PTPRK: variants seen among roughly 807,000 people sequenced by gnomAD.
PTPRK encodes protein tyrosine phosphatase receptor type K.
PTPRK carries 75 observed loss-of-function variants against 178.0 expected under a neutral mutation model. That is an observed-to-expected ratio of 0.42 (90% confidence interval 0.35 to 0.51). PTPRK has a LOEUF of 0.51. Ranked by LOEUF, PTPRK falls within the 20% of genes least tolerant of loss-of-function variation. The pLI, the probability that PTPRK is intolerant of heterozygous loss-of-function variation, is 0.02. For missense variants in PTPRK, 1,441 were observed against 1,797.8 expected (o/e 0.80, Z 3.59); for synonymous variants, 637 against 620.6 (o/e 1.03, Z -0.39).
At chr6:128,326,159 C>T (rs2128323221) in intron 2 of PTPRK, among the ~76,000 whole-genome samples, 1 of 151,892 alleles carries the variant, frequency 6.6e-6, no homozygotes, top group Non-Finnish European at 1.5e-5. Flanking sequence ...CACACCAGGG[C>T]CTGTTGGGAG....
chr6:128,135,787 T>C (rs1794926768), intron 7 of PTPRK, among the ~76,000 whole-genome samples: 1 of 151,760 alleles, frequency 6.6e-6, no homozygotes, highest in African/African-American at 2.4e-5. Context: ...CACAATCACG[T>C]TTACATTTAG....
At chr6:128,057,027 G>T (rs1414910882) in intron 13 of PTPRK, among the ~76,000 whole-genome samples, 1 of 152,150 alleles carries the variant, frequency 6.6e-6, no homozygotes, top group African/African-American at 2.4e-5. Flanking sequence ...CTTAGGGAAG[G>T]ATTTGGGGGA....
At chr6:128,343,958 A>C (rs74880449) in intron 2 of PTPRK, among the ~76,000 whole-genome samples, 1,789 of 152,310 alleles carry the variant, frequency 0.012, 35 homozygotes, top group African/African-American at 0.041. Flanking sequence ...ATCAGAACTT[A>C]TAAGTTAAGT....
chr6:128,446,406 C>T (rs1161716097), intron 1 of PTPRK, among the ~76,000 whole-genome samples: 1 of 152,216 alleles, frequency 6.6e-6, no homozygotes, highest in African/African-American at 2.4e-5. Context: ...AAGTACTGTA[C>T]AAACCGCTTT....
chr6:128,223,222 T>C (rs1164419854), intron 5 of PTPRK, among the ~76,000 whole-genome samples: 2 of 152,004 alleles, frequency 1.3e-5, no homozygotes, highest in African/African-American at 4.8e-5. Context: ...TCAAGTACTT[T>C]GTTAAAATGA....
chr6:128,045,422 A>G (rs943404390), intron 13 of PTPRK, among the ~76,000 whole-genome samples: 1 of 152,024 alleles, frequency 6.6e-6, no homozygotes, highest in African/African-American at 2.4e-5. Context: ...GTGAAAATTA[A>G]TGTAAGATGT....
intron 25 of PTPRK, 96 bp from the exon 26 acceptor site, chr6:127,977,150 A>C: frequency 8.1e-7 from 1 of 1,230,558 alleles, no homozygotes; most frequent in South Asian, 1.3e-5. Flanking sequence ...AGGACCAGTA[A>C]GATGCAATAG....
intron 5 of PTPRK, among the ~76,000 whole-genome samples, chr6:128,220,748 A>G (rs1208708636): frequency 6.6e-6 from 1 of 152,234 alleles, no homozygotes; most frequent in East Asian, 1.9e-4. Context: ...AAAATATCCA[A>G]ATATTTCTGA....
chr6:128,426,385 C>T (rs1844142216), intron 1 of PTPRK, among the ~76,000 whole-genome samples: 1 of 152,180 alleles, frequency 6.6e-6, no homozygotes, highest in Non-Finnish European at 1.5e-5. Flanking sequence ...ACACTTTCTA[C>T]TTTTCTATGA....
chr6:128,039,101 C>T (rs1349641273), intron 13 of PTPRK, among the ~76,000 whole-genome samples: 2 of 152,056 alleles, frequency 1.3e-5, no homozygotes, highest in African/African-American at 2.4e-5. Flanking sequence ...GACAATATTG[C>T]TTCTAGGAAT....
chr6:128,295,276 G>T (rs1824119485), intron 3 of PTPRK, among the ~76,000 whole-genome samples: 1 of 152,010 alleles, frequency 6.6e-6, no homozygotes, highest in African/African-American at 2.4e-5. Flanking sequence ...ATTGGATAGT[G>T]GACACAAACA....
chr6:128,414,060 G>A (rs572841686), intron 1 of PTPRK, among the ~76,000 whole-genome samples: 7 of 152,110 alleles, frequency 4.6e-5, no homozygotes, highest in Non-Finnish European at 1.0e-4. Context: ...CCTTAAGAAG[G>A]ACTGAGTAGA....
At chr6:128,324,726 A>C (rs558294028) in intron 2 of PTPRK, among the ~76,000 whole-genome samples, 1 of 152,278 alleles carries the variant, frequency 6.6e-6, no homozygotes, top group Admixed American at 6.5e-5. Context: ...AGGAGGAAGA[A>C]AGCACTAGCA....
intron 15 of PTPRK, chr6:127,999,893 AGT>A: frequency 1.2e-6 from 1 of 824,826 alleles, no homozygotes; most frequent in Non-Finnish European, 1.5e-6. Context: ...ATTAAGCGTA[AGT>A]CCCTTCCCAA....
At chr6:128,271,057 G>A (rs1819734387) in intron 3 of PTPRK, among the ~76,000 whole-genome samples, 1 of 151,938 alleles carries the variant, frequency 6.6e-6, no homozygotes, top group Admixed American at 6.6e-5. Flanking sequence ...AGCCTTGAAG[G>A]TATTAAAAAA....
chr6:128,360,068 T>A lies in PTPRK; in HGVS notation c.223+37498A>T, dbSNP rs149590504. On this transcript the variant is annotated intron_variant, in intron 2 of 29. Coordinates refer to ENST00000368226, the MANE Select transcript of PTPRK (RefSeq NM_002844.4). ...AGTTATCTTTATAGGCAATTTTGTA[T>A]TTGTTGTTGCTCAGAGTTGAATTTT... Among the ~76,000 whole-genome samples the A allele has an allele frequency of 5.1e-3, 784 of 152,294 alleles. 5 individuals are homozygous for A. Among genetic ancestry groups the A allele is most frequent in the African/African-American group, 0.018 (737 of 41,558 alleles).
At position 128,083,825 on chromosome 6, in the gene PTPRK, C is replaced by A; in HGVS notation, c.1466-1G>T. On this transcript the variant is annotated splice_acceptor_variant, in intron 8 of 29. Coordinates refer to ENST00000368226, the MANE Select transcript of PTPRK (RefSeq NM_002844.4). LOFTEE classifies it high-confidence loss of function. ...GATTTTACTGGTACGGGACCAGGCA[C>A]TACAAAACACATGAATTTTTTGTTA... The A allele has an allele frequency of 6.6e-7, 1 of 1,520,426 alleles. No homozygotes were observed. Among genetic ancestry groups the A allele is most frequent in the Non-Finnish European group, 8.9e-7 (1 of 1,125,804 alleles). The allele number at this position is 1,520,426 out of a possible 1,614,324, so 94.2% of individuals were successfully genotyped here. A position where few individuals can be genotyped will look rare whatever the true frequency, so the allele number is the denominator to read the frequency against.
rs191901068 is a variant in PTPRK at position 128,245,125 on chromosome 6, G to T, written c.496-2523C>A. Among the ~76,000 whole-genome samples the T allele has an allele frequency of 5.9e-5, 9 of 152,180 alleles. No individual in the cohort carries two copies. The East Asian group carries it at 1.7e-3, about 29-fold the overall frequency. Reference sequence around the variant, plus strand: ...TTAATCCTCATTACAATCACACGAGGTAGGTATTATTTTCATGTTCATTTT... The same window carrying T: ...TTAATCCTCATTACAATCACACGAGTTAGGTATTATTTTCATGTTCATTTT... On this transcript the variant is annotated intron_variant, in intron 3 of 29. Transcript: ENST00000368226.
chr6:128,110,137 T>C (rs1790403508), intron 7 of PTPRK, among the ~76,000 whole-genome samples: 1 of 152,156 alleles, frequency 6.6e-6, no homozygotes, highest in Non-Finnish European at 1.5e-5. Flanking sequence ...TTGTCCAGAC[T>C]GGTCTTAAAC....
Sources: gnomAD v4.1 joint callset for allele counts (sites outside exome capture counted in the v4.1 genomes callset) on GRCh38, gnomAD v4.1.1 for gene constraint, MANE v1.5 for transcripts, NCBI Gene and HGNC (gene_info 2026-07-23, HGNC 2026-07-21) for gene names.